The following ITGB8 variants were observed in gnomAD, a reference collection of about 807,000 sequenced individuals.
The protein encoded by ITGB8 is integrin beta-8.
A neutral mutation model predicts 89.5 loss-of-function variants in ITGB8; 30 were observed. That is an observed-to-expected ratio of 0.34 (90% CI 0.25 to 0.45). The LOEUF (loss-of-function observed/expected upper bound fraction) is 0.45, where lower values mean the gene tolerates loss of function less well. Ranked by LOEUF, ITGB8 falls within the 20% of genes least tolerant of loss-of-function variation. The probability of loss-of-function intolerance (pLI) is 1.00; values close to 1 mark genes in which losing one functional copy is unlikely to be tolerated. For synonymous variants in ITGB8, 335 were observed against 320.4 expected, an observed-to-expected ratio of 1.05 and a Z score of -0.49; for missense variants, 836 against 933.3, an observed-to-expected ratio of 0.90 and a Z score of 1.36.
At chr7:20,376,206 G>C (rs562709726) in intron 3 of ITGB8, among the ~76,000 whole-genome samples, 29 of 152,254 alleles carry the variant, frequency 1.9e-4, no homozygotes, top group African/African-American at 7.0e-4. Context: ...TTTTCATGTA[G>C]CCACGTCCCC....
chr7:20,366,973 T>C (rs1237240274), intron 2 of ITGB8, 39 bp from the exon 3 acceptor site: 21 of 1,451,814 alleles, frequency 1.4e-5, no homozygotes, highest in Non-Finnish European at 1.8e-5. Context: ...GTAATTGATA[T>C]ACACTAAAAA....
intron 1 of ITGB8, among the ~76,000 whole-genome samples, chr7:20,360,271 G>C (rs1017929579): frequency 6.6e-6 from 1 of 151,592 alleles, no homozygotes; most frequent in African/African-American, 2.4e-5. Flanking sequence ...ACTTAGAACA[G>C]AGTCAGACAA....
chr7:20,404,438 A>G (rs554655823), intron 10 of ITGB8, among the ~76,000 whole-genome samples, 190 bp from the exon 11 acceptor site: 9 of 152,246 alleles, frequency 5.9e-5, no homozygotes, highest in Non-Finnish European at 1.3e-4. Context: ...TATCTACAGT[A>G]GAACAGCTTT....
At chr7:20,405,477 A>T (rs1190584588) in intron 11 of ITGB8, among the ~76,000 whole-genome samples, 8 of 142,044 alleles carry the variant, frequency 5.6e-5, no homozygotes, top group Non-Finnish European at 1.2e-4. Context: ...CGCCGGGCTA[A>T]TTTTTTTTTT....
chr7:20,388,222 A>T (rs1307235961), intron 6 of ITGB8, among the ~76,000 whole-genome samples: 1 of 152,120 alleles, frequency 6.6e-6, no homozygotes, highest in Non-Finnish European at 1.5e-5. Flanking sequence ...GTCTTGGCAC[A>T]TTGCTTTCCT....
chr7:20,362,705 T>A (rs1359468724), intron 1 of ITGB8, among the ~76,000 whole-genome samples: 3 of 152,194 alleles, frequency 2.0e-5, no homozygotes, highest in Non-Finnish European at 4.4e-5. Flanking sequence ...GATCACACCG[T>A]GACTTCCAGT....
At chr7:20,385,991 C>A (rs1484695910) in intron 6 of ITGB8, among the ~76,000 whole-genome samples, 1 of 152,142 alleles carries the variant, frequency 6.6e-6, no homozygotes, top group African/African-American at 2.4e-5. Flanking sequence ...CCGACAGAGA[C>A]GTGGCCTTTT....
At chr7:20,403,911 C>A (rs1294097691) in intron 10 of ITGB8, among the ~76,000 whole-genome samples, 1 of 152,158 alleles carries the variant, frequency 6.6e-6, no homozygotes, top group African/African-American at 2.4e-5. Flanking sequence ...GTTTTGGACA[C>A]TTTTACTGTC....
chr7:20,372,919 C>T (rs982307968), intron 3 of ITGB8, among the ~76,000 whole-genome samples: 1 of 152,062 alleles, frequency 6.6e-6, no homozygotes, highest in South Asian at 2.1e-4. Context: ...CGTCTTAGGG[C>T]ATAATATATA....
Position 20,385,453 on chromosome 7 carries a change from T to C in ITGB8, c.960+3568T>C, listed in dbSNP as rs559372286. Among the ~76,000 whole-genome samples, 273 of 152,362 alleles carry C rather than the reference T, an allele frequency of 1.8e-3. 2 individuals are homozygous for C. Among genetic ancestry groups the C allele is most frequent in the African/African-American group, 6.3e-3 (260 of 41,590 alleles). On this transcript the variant is annotated intron_variant, in intron 6 of 13. Coordinates refer to ENST00000222573, the MANE Select transcript of ITGB8 (RefSeq NM_002214.3). ...GTGATTCTTTATCCCTCCTATCATATACCTCCTCAGAATCCCCTTACTGCT... is the reference window on the plus strand; with the variant it reads ...GTGATTCTTTATCCCTCCTATCATACACCTCCTCAGAATCCCCTTACTGCT...
At chr7:20,347,895 A>T (rs74691026) in intron 1 of ITGB8, among the ~76,000 whole-genome samples, 2 of 152,210 alleles carry the variant, frequency 1.3e-5, no homozygotes, top group African/African-American at 2.4e-5. Context: ...TGAGAATGAG[A>T]GAAGTGATAG....
chr7:20,379,307 G>A lies in ITGB8; in HGVS notation c.635+10G>A. 3 of 1,531,764 alleles carry A rather than the reference G, an allele frequency of 2.0e-6. No homozygotes were observed. The highest frequency in any genetic ancestry group is 2.6e-6 in the Non-Finnish European group (3 of 1,135,614). 94.9% of individuals were successfully genotyped at this position (1,531,764 alleles called of 1,614,324 possible). On this transcript the variant is annotated intron_variant, in intron 4 of 13. Coordinates refer to ENST00000222573, the MANE Select transcript of ITGB8 (RefSeq NM_002214.3). ...TTCATAATCAATGCAGGTATCTAGG[G>A]TTTGATGTGGATATGCTAAATTAAT...
At chr7:20,372,046 T>C (rs1045424393) in intron 3 of ITGB8, among the ~76,000 whole-genome samples, 13 of 152,214 alleles carry the variant, frequency 8.5e-5, no homozygotes, top group Non-Finnish European at 8.8e-5. Context: ...TTGTGTGTGA[T>C]TTCTGTCTCC....
At chr7:20,383,703 C>T (rs1208585977) in intron 6 of ITGB8, among the ~76,000 whole-genome samples, 3 of 152,088 alleles carry the variant, frequency 2.0e-5, no homozygotes, top group East Asian at 1.9e-4. Context: ...AGGCATATAC[C>T]ATGTTATAGA....
intron 8 of ITGB8, among the ~76,000 whole-genome samples, chr7:20,396,878 T>C (rs934928541): frequency 8.5e-5 from 13 of 152,070 alleles, no homozygotes; most frequent in Non-Finnish European, 1.6e-4. Flanking sequence ...TCCAGTGTAG[T>C]TCTCATCAAC....
chr7:20,330,198 TCCGGGAACAG>T (rs1211722455), upstream of ITGB8, among the ~76,000 whole-genome samples: 1 of 152,132 alleles, frequency 6.6e-6, no homozygotes, highest in African/African-American at 2.4e-5. Context: ...GGCCAGTCGC[TCCGGGAACAG>T]CCCCTGCAGA....
rs187905718 is a variant in ITGB8 at position 20,369,967 on chromosome 7, T to C, written c.388+2781T>C. On this transcript the variant is annotated intron_variant, in intron 3 of 13. Coordinates refer to ENST00000222573, the MANE Select transcript of ITGB8 (RefSeq NM_002214.3). ...ATGTTGTTACAAAAATTCACAACTTTAAGTGCTTTTATTATTAAAGAAAAA... is the reference window on the plus strand; with the variant it reads ...ATGTTGTTACAAAAATTCACAACTTCAAGTGCTTTTATTATTAAAGAAAAA... Among the ~76,000 whole-genome samples, 202 of 152,020 alleles carry C rather than the reference T, an allele frequency of 1.3e-3. 7 individuals carry two copies. In the South Asian group the frequency reaches 0.031, roughly 23 times the overall value.
At chr7:20,405,855 A>G (rs1287550067) in intron 11 of ITGB8, among the ~76,000 whole-genome samples, 1 of 152,212 alleles carries the variant, frequency 6.6e-6, no homozygotes, top group East Asian at 1.9e-4. Flanking sequence ...TAGCTCAAGT[A>G]AGTTTTTTAG....
chr7:20,350,572 C>T (rs1785081937), intron 1 of ITGB8, among the ~76,000 whole-genome samples: 1 of 152,176 alleles, frequency 6.6e-6, no homozygotes, highest in African/African-American at 2.4e-5. Context: ...TTGTAAGTTG[C>T]ACTCTACTTT....
Sources: allele counts gnomAD v4.1 joint callset (sites outside exome capture counted in the v4.1 genomes callset), GRCh38; gene constraint gnomAD v4.1.1; transcripts MANE v1.5; gene names NCBI Gene and HGNC (gene_info 2026-07-23, HGNC 2026-07-21).